The following PRPF6 variants were observed in gnomAD, a reference collection of about 807,000 sequenced individuals.
PRPF6 encodes the protein pre-mRNA-processing factor 6.
Under a neutral mutation model 118.3 loss-of-function variants are expected in PRPF6, and 42 were observed. That is an observed-to-expected ratio of 0.35 (90% confidence interval 0.28 to 0.46). The LOEUF is 0.46. PRPF6 is among the 20% of genes least tolerant of loss of function. The pLI is 1.00. For synonymous variants in PRPF6, 481 were observed against 485.1 expected (o/e 0.99, Z 0.11); for missense variants, 662 against 1,255.7 (o/e 0.53, Z 7.15).
At chr20:64,013,985 A>C (rs1426672158) in intron 11 of PRPF6, among the ~76,000 whole-genome samples, 1 of 150,786 alleles carries the variant, frequency 6.6e-6, no homozygotes, top group Admixed American at 6.6e-5. Context: ...CCCAAGCTGG[A>C]GTGTATGGTG....
chr20:63,999,550 G>A (rs1048459237), intron 7 of PRPF6, 53 bp from the exon 8 acceptor site: 4 of 1,610,584 alleles, frequency 2.5e-6, no homozygotes, highest in African/African-American at 1.3e-5. Context: ...CCCAGGTCTC[G>A]GGTGCACCCC....
intron 3 of PRPF6, among the ~76,000 whole-genome samples, chr20:63,993,112 A>G (rs1169709621): frequency 2.0e-5 from 3 of 151,050 alleles, no homozygotes; most frequent in African/African-American, 7.3e-5. Context: ...GCTACTTGGG[A>G]GGCTGAGGCA....
At position 64,001,133 on chromosome 20, in the gene PRPF6, C is replaced by G. The variant is rs529849438; in HGVS notation, c.1080C>G (p.Ala360=). The change falls in exon 9 of 21, where the codon GCC becomes GCG. Residue 360 remains alanine, a synonymous_variant. Coordinates refer to ENST00000266079, the MANE Select transcript of PRPF6 (RefSeq NM_012469.4). ...ARLQPGDTAK[A]VVAQAVRHLP... ...TGCAGCCTGGGGACACAGCCAAGGC[C>G]GTGGTAGCCCAAGCTGTCCGTCATC... The G allele has an allele frequency of 1.9e-6, 3 of 1,614,040 alleles. No homozygotes were observed. Among genetic ancestry groups the G allele is most frequent in the East Asian group, 4.5e-5 (2 of 44,890 alleles).
intron 4 of PRPF6, 80 bp from the exon 5 acceptor site, chr20:63,994,836 G>A (rs2059134229): frequency 1.3e-6 from 2 of 1,570,208 alleles, no homozygotes; most frequent in Non-Finnish European, 1.7e-6. Flanking sequence ...GGAGGCTAGG[G>A]GTGAGAGAGG....
intron 9 of PRPF6, among the ~76,000 whole-genome samples, chr20:64,007,463 T>C (rs1293649775): frequency 9.1e-6 from 1 of 110,356 alleles, no homozygotes; most frequent in Non-Finnish European, 1.8e-5. Context: ...GCCCTTTTCC[T>C]CTTTTTTTTT....
intron 12 of PRPF6, among the ~76,000 whole-genome samples, chr20:64,022,323 G>A (rs1451909773): frequency 6.6e-6 from 1 of 152,128 alleles, no homozygotes; most frequent in African/African-American, 2.4e-5. Context: ...TTTCTGGAGG[G>A]GGAGGACAGA....
intron 13 of PRPF6, among the ~76,000 whole-genome samples, chr20:64,024,119 A>G (rs558438883): frequency 7.9e-5 from 12 of 152,238 alleles, no homozygotes; most frequent in African/African-American, 2.9e-4. Context: ...GTGACCTGAA[A>G]TCACTTTCTT....
chr20:63,989,524 TC>T (rs1354391186), intron 3 of PRPF6, among the ~76,000 whole-genome samples: 1 of 152,142 alleles, frequency 6.6e-6, no homozygotes. Flanking sequence ...TATTCATAAG[TC>T]TAGAAAGTAA....
chr20:63,993,353 T>A (rs1423189780), intron 3 of PRPF6, 54 bp from the exon 4 acceptor site: 1 of 1,356,134 alleles, frequency 7.4e-7, no homozygotes, highest in South Asian at 1.2e-5. Flanking sequence ...GATAATAAAT[T>A]TGCTTCAGAA....
chr20:63,993,841 C>G (rs1173802569), intron 4 of PRPF6, among the ~76,000 whole-genome samples: 2 of 151,800 alleles, frequency 1.3e-5, no homozygotes, highest in African/African-American at 4.8e-5. Context: ...CCTTCACCTC[C>G]TAGGTTCAAG....
At position 63,984,891 on chromosome 20, in the gene PRPF6, G is replaced by A. The variant is rs1222766034; in HGVS notation, c.241-16G>A. On this transcript the variant is annotated splice_polypyrimidine_tract_variant and intron_variant, in intron 2 of 20. Coordinates refer to ENST00000266079, the MANE Select transcript of PRPF6 (RefSeq NM_012469.4). ...GAAGGAAAAGCTGACCTCTACACGT[G>A]TTGTTTGCTTCTCAGTTTAATGGCT... 6.3e-7 allele frequency: 1 copy of A among 1,582,438 alleles called. No individual in the cohort carries two copies. Among genetic ancestry groups the A allele is most frequent in the African/African-American group, 1.3e-5 (1 of 74,152 alleles).
Position 64,029,541 on chromosome 20 carries a change from C to G in PRPF6, c.2546+50C>G. The G allele has an allele frequency of 6.8e-7, 1 of 1,468,206 alleles. No individual in the cohort carries two copies. The highest frequency in any genetic ancestry group is 9.5e-7 in the Non-Finnish European group (1 of 1,048,802). 90.9% of individuals were successfully genotyped at this position (1,468,206 alleles called of 1,614,324 possible). On this transcript the variant is annotated intron_variant, in intron 19 of 20. Transcript: ENST00000266079. This position sits in a 1 kb window ranked among gnomAD's most constrained non-coding sequence, Gnocchi z 4.8. ...CTGAACCTCGGGGTCCTAATGGGCT[C>G]TTTTTCCAGAGTCTGTCTGCCTCTT...
At chr20:63,981,398 C>G (rs1032076820) in intron 1 of PRPF6, 82 bp downstream of exon 1, 2 of 1,338,104 alleles carry the variant, frequency 1.5e-6, no homozygotes, top group African/African-American at 2.9e-5. Flanking sequence ...GGGCGGGGGT[C>G]TATGGCCGCG....
In PRPF6 at chr20:63,985,880, G is replaced by A. The variant is rs147963800; in HGVS notation, c.359+855G>A. ...CAGACTATTCTGAAAAATAGAGGAG[G>A]GAATACTTCCAAACTTATTCTACAG... On this transcript the variant is annotated intron_variant, in intron 3 of 20. Transcript: ENST00000266079. Among the ~76,000 whole-genome samples the A allele has an allele frequency of 2.7e-3, 412 of 152,136 alleles. 3 individuals carry two copies. Among genetic ancestry groups the A allele is most frequent in the African/African-American group, 9.5e-3 (393 of 41,508 alleles).
At chr20:64,020,785 A>ATTTT (rs10670252) in intron 12 of PRPF6, among the ~76,000 whole-genome samples, 3 of 134,150 alleles carry the variant, frequency 2.2e-5, no homozygotes, top group Non-Finnish European at 4.7e-5. Context: ...ACTATACCTA[A>ATTTT]TTTTTTTTTT....
In PRPF6 at chr20:64,011,270, G is replaced by A. The variant is rs757479051; in HGVS notation, c.1306-15G>A. The stretch of plus-strand genomic sequence containing the variant: ...CACAGTGTCCTCTCCTTTTTCTCGT[G>A]TCCTCTCCGCGTAGCTCTGGCTTGC... On this transcript the variant is annotated splice_polypyrimidine_tract_variant and intron_variant, in intron 10 of 20. Transcript: ENST00000266079. The surrounding 1 kb of genome is among the most constrained non-coding windows in gnomAD (Gnocchi z 6.7). 5 of 1,613,614 alleles carry A rather than the reference G, an allele frequency of 3.1e-6. No individual in the cohort carries two copies. Among genetic ancestry groups the A allele is most frequent in the Non-Finnish European group, 4.2e-6 (5 of 1,179,728 alleles).
chr20:63,993,410 G>A lies in PRPF6; in HGVS notation c.363G>A (p.Glu121=). The change falls in exon 4 of 21, where the codon GAG becomes GAA. Residue 121 remains glutamate, a synonymous_variant. Transcript: ENST00000266079. ...RMDERRKERR[E]QREKEEIEKY... is the part of the protein sequence containing the mutation. ...GTGTGCATGTTTTATTTCCTAGGGA[G>A]CAAAGGGAGAAAGAAGAAATAGAGA... 6.2e-7 allele frequency: 1 copy of A among 1,611,028 alleles called. No homozygotes were observed. Among genetic ancestry groups the A allele is most frequent in the Non-Finnish European group, 8.5e-7 (1 of 1,177,594 alleles).
intron 12 of PRPF6, among the ~76,000 whole-genome samples, chr20:64,018,441 G>T (rs2059248822): frequency 6.6e-6 from 1 of 152,132 alleles, no homozygotes; most frequent in Non-Finnish European, 1.5e-5. Flanking sequence ...ATACGGAGAG[G>T]TGTGCACCTG....
intron 3 of PRPF6, among the ~76,000 whole-genome samples, chr20:63,989,975 T>C (rs368213333): frequency 3.3e-5 from 5 of 152,080 alleles, no homozygotes; most frequent in Admixed American, 3.3e-4. Context: ...TGCCTCAGCC[T>C]CCCAAGTAGC....
Sources: gnomAD v4.1 joint callset for allele counts (sites outside exome capture counted in the v4.1 genomes callset) on GRCh38, gnomAD v4.1.1 for gene constraint, Gnocchi (gnomAD v3.1) non-coding constraint, MANE v1.5 for transcripts, NCBI Gene and HGNC (gene_info 2026-07-23, HGNC 2026-07-21) for gene names.